The following PHLDB1 variants were observed in gnomAD, a reference collection of about 807,000 sequenced individuals.
The protein encoded by PHLDB1 is pleckstrin homology-like domain family B member 1.
Under a neutral mutation model 139.3 loss-of-function variants are expected in PHLDB1, and 65 were observed. That is an observed-to-expected ratio of 0.47 (90% confidence interval 0.38 to 0.57). The LOEUF (loss-of-function observed/expected upper bound fraction) is 0.57, where lower values mean the gene tolerates loss of function less well. Ranked by LOEUF, PHLDB1 falls within the 20% of genes least tolerant of loss-of-function variation. The probability of loss-of-function intolerance (pLI) is 0.00; values close to 1 mark genes in which losing one functional copy is unlikely to be tolerated. For synonymous variants in PHLDB1, 679 were observed against 734.5 expected, an observed-to-expected ratio of 0.92 and a Z score of 1.22; for missense variants, 1,624 against 1,839.7, an observed-to-expected ratio of 0.88 and a Z score of 2.14.
chr11:118,642,102 T>G (rs782505725), intron 12 of PHLDB1, 152 bp from the exon 13 acceptor site: 1 of 748,052 alleles, frequency 1.3e-6, no homozygotes, highest in South Asian at 1.5e-5. Flanking sequence ...TCCATTTCCC[T>G]GATGTGGCCT....
chr11:118,627,937 C>T lies in PHLDB1; in HGVS notation c.1114C>T (p.Leu372Phe). 2 of 1,613,302 alleles carry T rather than the reference C, an allele frequency of 1.2e-6. No homozygotes were observed. The highest frequency in any genetic ancestry group is 1.7e-6 in the Non-Finnish European group (2 of 1,180,020). Residue 372 changes from leucine (L) to phenylalanine (F), a missense_variant, in exon 6 of 23, where the codon CTC becomes TTC. By Grantham distance (22) the Leu-to-Phe change is conservative (BLOSUM62 0). Transcript: ENST00000600882. ...SLSEYPASGA[L>F]SQPTSIPGSP... ...GAGTGAATACCCAGCTTCTGGTGCTCTCAGTCAACCCACCAGCATTCCTGG... is the reference window on the plus strand; with the variant it reads ...GAGTGAATACCCAGCTTCTGGTGCTTTCAGTCAACCCACCAGCATTCCTGG...
chr11:118,613,113 A>G (rs1940821126), intron 1 of PHLDB1: 1 of 159,362 alleles, frequency 6.3e-6, no homozygotes, highest in Non-Finnish European at 1.3e-5. Flanking sequence ...TAAGAACCCA[A>G]GAGTTGAGCC....
Position 118,620,565 on chromosome 11 carries a change from T to TA in PHLDB1, c.355+4355dup, listed in dbSNP as rs1565407511. The stretch of plus-strand genomic sequence containing the variant: ...TCAGCCTGACTTTGCGGGCTCCAGA[T>TA]ATCTGTTTCCCAAGTAGGATGGGTA... On this transcript the variant is annotated intron_variant, in intron 4 of 22. Transcript: ENST00000600882. The surrounding 1 kb of genome is among the most constrained non-coding windows in gnomAD (Gnocchi z 4.1). Among the ~76,000 whole-genome samples, 1 of 151,838 alleles carries TA rather than the reference T, an allele frequency of 6.6e-6. No individual in the cohort carries two copies. Among genetic ancestry groups the TA allele is most frequent in the Admixed American group, 6.6e-5 (1 of 15,262 alleles).
At chr11:118,622,972 C>T (rs1347041468) in intron 4 of PHLDB1, among the ~76,000 whole-genome samples, 1 of 152,156 alleles carries the variant, frequency 6.6e-6, no homozygotes, top group Non-Finnish European at 1.5e-5. Context: ...GTGGCTTTAT[C>T]CACTATGGTT....
chr11:118,640,324 GC>G (rs1287796594), intron 12 of PHLDB1: 1 of 152,232 alleles, frequency 6.6e-6, no homozygotes, highest in Non-Finnish European at 1.5e-5. Context: ...CTAGAGCTAG[GC>G]CTGGATGGGC....
chr11:118,625,091 G>C, intron 5 of PHLDB1, 32 bp downstream of exon 5: 1 of 1,556,454 alleles, frequency 6.4e-7, no homozygotes, highest in Non-Finnish European at 8.7e-7. Flanking sequence ...GTGCTGGGTT[G>C]ATGGTGTTCC....
chr11:118,609,241 C>T (rs1220281974), intron 1 of PHLDB1, among the ~76,000 whole-genome samples: 4 of 146,118 alleles, frequency 2.7e-5, no homozygotes, highest in African/African-American at 7.6e-5. Context: ...ACACGCAGCC[C>T]GTCACACACA....
intron 6 of PHLDB1, among the ~76,000 whole-genome samples, chr11:118,629,450 A>C (rs1944417282): frequency 1.3e-5 from 2 of 152,222 alleles, no homozygotes; most frequent in South Asian, 4.1e-4. Context: ...GCTGGTGTGT[A>C]CACAGTCGAG....
intron 12 of PHLDB1, chr11:118,640,063 G>GC: frequency 1.1e-6 from 1 of 907,020 alleles, no homozygotes; most frequent in Non-Finnish European, 1.3e-6. Flanking sequence ...TGCCCGCTGA[G>GC]CCCCTGCCTA....
intron 20 of PHLDB1, chr11:118,653,768 A>G (rs1948653232): frequency 2.6e-5 from 4 of 152,192 alleles, no homozygotes. Flanking sequence ...GAGGTAGACC[A>G]TGGAATGGAT....
intron 9 of PHLDB1, chr11:118,634,732 C>T (rs916819857): frequency 1.0e-4 from 25 of 244,582 alleles, no homozygotes; most frequent in South Asian, 8.3e-4. Context: ...TCTTTCTCCT[C>T]GCCTGGTTAT....
At position 118,626,508 on chromosome 11, in the gene PHLDB1, C is replaced by T. The variant is rs1470714367; in HGVS notation, c.482-797C>T. On this transcript the variant is annotated intron_variant, in intron 5 of 22. Transcript: ENST00000600882. The stretch of plus-strand genomic sequence containing the variant: ...AAGTGATTTTCCTGCCTCAGCCTCC[C>T]GAGTAGCTGGGACTACAGGTGCATG... 3.3e-5 allele frequency among the ~76,000 whole-genome samples: 5 copies of T among 152,090 alleles called. No homozygotes were observed. The East Asian group carries it at 5.8e-4, about 18-fold the overall frequency.
At chr11:118,607,018 C>T (rs1555079704), upstream of PHLDB1, among the ~76,000 whole-genome samples, 1 of 152,000 alleles carries the variant, frequency 6.6e-6, no homozygotes, top group Non-Finnish European at 1.5e-5. Context: ...ATGTGCGTGG[C>T]TATCAATGTC....
At position 118,627,937 on chromosome 11, in the gene PHLDB1, C is replaced by G. The variant is rs1422358995; in HGVS notation, c.1114C>G (p.Leu372Val). Residue 372 changes from leucine to valine, a missense_variant, in exon 6 of 23, where the codon CTC becomes GTC. By Grantham distance (32) the Leu-to-Val change is conservative. Coordinates refer to ENST00000600882, the MANE Select transcript of PHLDB1 (RefSeq NM_001144758.3). Reference sequence around the variant, plus strand: ...GAGTGAATACCCAGCTTCTGGTGCTCTCAGTCAACCCACCAGCATTCCTGG... The same window carrying G: ...GAGTGAATACCCAGCTTCTGGTGCTGTCAGTCAACCCACCAGCATTCCTGG... ...SLSEYPASGA[L>V]SQPTSIPGSP... 1 of 1,613,302 alleles carries G rather than the reference C, an allele frequency of 6.2e-7. No individual in the cohort carries two copies. Among genetic ancestry groups the G allele is most frequent in the Non-Finnish European group, 8.5e-7 (1 of 1,180,020 alleles).
intron 1 of PHLDB1, among the ~76,000 whole-genome samples, chr11:118,609,066 C>T (rs1355954921): frequency 6.7e-6 from 1 of 149,904 alleles, no homozygotes; most frequent in African/African-American, 2.5e-5. Flanking sequence ...CACACGAAGC[C>T]CAGCTCACAC....
At chr11:118,635,177 T>G in intron 9 of PHLDB1, 5 of 593,356 alleles carry the variant, frequency 8.4e-6, no homozygotes, top group Non-Finnish European at 1.2e-5. Flanking sequence ...GGTGCTGCGG[T>G]TTGGAGGGAA....
Position 118,632,192 on chromosome 11 carries a change from A to G in PHLDB1, c.2275A>G (p.Arg759Gly). ...GGAGCGGGCACTGCTGCAGGGAGAG[A>G]GGGAGGCAGAGCGGGCACTGCTGCA... ...EMERALLQGE[R>G]EAERALLQKE... Residue 759 changes from arginine (R) to glycine (G), a missense_variant, in exon 9 of 23, where the codon AGG becomes GGG. Arg to Gly is a moderately radical substitution (Grantham distance 125, BLOSUM62 -2). Transcript: ENST00000600882. This position sits in a 1 kb window ranked among gnomAD's most constrained non-coding sequence, Gnocchi z 5.9. 4 of 1,613,884 alleles carry G rather than the reference A, an allele frequency of 2.5e-6. No homozygotes were observed. Among genetic ancestry groups the G allele is most frequent in the South Asian group, 1.1e-5 (1 of 91,054 alleles).
Position 118,645,989 on chromosome 11 carries a change from G to A in PHLDB1, c.3507+164G>A, listed in dbSNP as rs1265445483. On this transcript the variant is annotated intron_variant, in intron 17 of 22. Transcript: ENST00000600882. This position sits in a 1 kb window ranked among gnomAD's most constrained non-coding sequence, Gnocchi z 5.1. ...AAAAGGTTGTATTCTGGCCGGGCGC[G>A]GTGGCTCATGCCCGTAATCCCAGCA... Among the ~76,000 whole-genome samples, 3 of 152,126 alleles carry A rather than the reference G, an allele frequency of 2.0e-5. No individual in the cohort carries two copies. The highest frequency in any genetic ancestry group is 7.2e-5 in the African/African-American group (3 of 41,432).
Position 118,614,565 on chromosome 11 carries a change from C to A in PHLDB1, c.67C>A (p.Pro23Thr). 1.2e-6 allele frequency: 2 copies of A among 1,613,864 alleles called. No individual in the cohort carries two copies. Among genetic ancestry groups the A allele is most frequent in the Non-Finnish European group, 1.7e-6 (2 of 1,179,912 alleles). Residue 23 changes from proline (P) to threonine (T), a missense_variant, in exon 3 of 23, where the codon CCC (proline) becomes ACC (threonine). Coordinates refer to ENST00000600882, the MANE Select transcript of PHLDB1 (RefSeq NM_001144758.3). ...CCACCCGTACTACCTACAGAAAGGA[C>A]CCTTGGACCTGATCGAGACAGGCAA... ...CQTQTMVQKG[P>T]LDLIETGKGL...
Sources: gnomAD v4.1 joint callset for allele counts (sites outside exome capture counted in the v4.1 genomes callset) on GRCh38, gnomAD v4.1.1 for gene constraint, Gnocchi (gnomAD v3.1) non-coding constraint, MANE v1.5 for transcripts, NCBI Gene and HGNC (gene_info 2026-07-23, HGNC 2026-07-21) for gene names.